Variants in RAD51B observed in about 807,000 individuals in gnomAD.
RAD51B encodes the protein DNA repair protein RAD51 homolog 2.
RAD51B carries 38 observed loss-of-function variants against 42.2 expected under a neutral mutation model. That is an observed-to-expected ratio of 0.90 (90% CI 0.70 to 1.18). The LOEUF (loss-of-function observed/expected upper bound fraction) is 1.18. RAD51B is among the 50% of genes most tolerant of loss of function. RAD51B has a pLI of 0.00. For synonymous variants in RAD51B, 154 were observed against 145.2 expected, an observed-to-expected ratio of 1.06 and a Z score of -0.43; for missense variants, 373 against 400.7, an observed-to-expected ratio of 0.93 and a Z score of 0.59.
intron 10 of RAD51B, among the ~76,000 whole-genome samples, chr14:68,534,584 C>T (rs895833661): frequency 6.6e-6 from 1 of 152,054 alleles, no homozygotes; most frequent in African/African-American, 2.4e-5. Flanking sequence ...AAACCACATC[C>T]TCAGGGCCAA....
chr14:68,484,307 C>T (rs532043292), intron 10 of RAD51B, among the ~76,000 whole-genome samples: 1 of 151,972 alleles, frequency 6.6e-6, no homozygotes, highest in South Asian at 2.1e-4. Context: ...AACCTACCTG[C>T]ATGAAACTTG....
intron 7 of RAD51B, among the ~76,000 whole-genome samples, chr14:68,075,389 C>T (rs933402031): frequency 5.9e-5 from 9 of 151,960 alleles, no homozygotes; most frequent in Non-Finnish European, 1.2e-4. Flanking sequence ...TCTGGGAGCT[C>T]CACCCCAGAA....
At chr14:67,871,867 G>C (rs1328312399) in intron 5 of RAD51B, among the ~76,000 whole-genome samples, 1 of 152,092 alleles carries the variant, frequency 6.6e-6, no homozygotes, top group Non-Finnish European at 1.5e-5. Flanking sequence ...TGCAGAAGAG[G>C]CCTTTGACAA....
chr14:68,600,266 G>A (rs1891163880), downstream of RAD51B, among the ~76,000 whole-genome samples: 1 of 152,214 alleles, frequency 6.6e-6, no homozygotes, highest in Non-Finnish European at 1.5e-5. Context: ...ATGCTGTTTG[G>A]GATGTTTCTC....
At chr14:68,381,802 T>C (rs541339334) in intron 8 of RAD51B, among the ~76,000 whole-genome samples, 4 of 152,326 alleles carry the variant, frequency 2.6e-5, no homozygotes, top group African/African-American at 9.6e-5. Context: ...AAATCACCAA[T>C]TGAGTCTCTA....
chr14:68,297,763 A>G (rs1025744270), intron 8 of RAD51B, among the ~76,000 whole-genome samples: 4 of 152,210 alleles, frequency 2.6e-5, no homozygotes, highest in Non-Finnish European at 4.4e-5. Flanking sequence ...AAAATGATGA[A>G]TTTCTTAATC....
At chr14:68,139,650 C>T (rs2078084605) in intron 7 of RAD51B, among the ~76,000 whole-genome samples, 1 of 152,228 alleles carries the variant, frequency 6.6e-6, no homozygotes, top group Non-Finnish European at 1.5e-5. Flanking sequence ...AATCCCATCC[C>T]ACAATTTCTC....
intron 7 of RAD51B, among the ~76,000 whole-genome samples, chr14:67,982,483 G>A (rs1467278914): frequency 6.6e-6 from 1 of 151,988 alleles, no homozygotes; most frequent in Non-Finnish European, 1.5e-5. Flanking sequence ...TCCATCTTGG[G>A]TTTTATAGTT....
chr14:67,891,977 T>G (rs2043233413), intron 7 of RAD51B, among the ~76,000 whole-genome samples: 1 of 152,222 alleles, frequency 6.6e-6, no homozygotes, highest in Admixed American at 6.5e-5. Context: ...AGACCCTTGA[T>G]GTAGACATAG....
intron 8 of RAD51B, among the ~76,000 whole-genome samples, chr14:68,353,729 G>C (rs571553765): frequency 6.6e-6 from 1 of 152,210 alleles, no homozygotes; most frequent in Non-Finnish European, 1.5e-5. Context: ...TTGTTGTCTG[G>C]CTGTCGCAGC....
intron 7 of RAD51B, among the ~76,000 whole-genome samples, chr14:68,248,205 C>T (rs1194587022): frequency 6.6e-6 from 1 of 152,242 alleles, no homozygotes; most frequent in Non-Finnish European, 1.5e-5. Flanking sequence ...ACTCTTTCCT[C>T]TCTTCTTCAG....
intron 7 of RAD51B, among the ~76,000 whole-genome samples, chr14:68,199,254 T>C (rs2079435299): frequency 6.6e-6 from 1 of 152,212 alleles, no homozygotes; most frequent in Non-Finnish European, 1.5e-5. Context: ...CTATTTTTTT[T>C]CCTTACTCTG....
At chr14:68,578,039 A>T (rs1463428334) in intron 10 of RAD51B, among the ~76,000 whole-genome samples, 1 of 152,274 alleles carries the variant, frequency 6.6e-6, no homozygotes, top group Non-Finnish European at 1.5e-5. Context: ...TCAACAGCAC[A>T]TTGTCGAACA....
intron 11 of RAD51B, among the ~76,000 whole-genome samples, chr14:68,659,824 C>T (rs578258834): frequency 8.5e-5 from 13 of 152,358 alleles, no homozygotes; most frequent in African/African-American, 3.1e-4. Context: ...AGTTCTGGGG[C>T]AAGGACGCTC....
At chr14:68,023,392 G>A (rs2140354572) in intron 7 of RAD51B, among the ~76,000 whole-genome samples, 1 of 152,128 alleles carries the variant, frequency 6.6e-6, no homozygotes, top group East Asian at 1.9e-4. Flanking sequence ...CTGGAGTGAA[G>A]TCCTGGCTGA....
At chr14:67,851,631 C>T (rs1437438429) in intron 4 of RAD51B, among the ~76,000 whole-genome samples, 1 of 151,524 alleles carries the variant, frequency 6.6e-6, no homozygotes, top group Non-Finnish European at 1.5e-5. Flanking sequence ...TGTTCAGTTG[C>T]CTTTGGGAGT....
rs1206892798 is a variant in RAD51B, at chr14:68,411,290, C to G, written c.854-134C>G. The G allele has an allele frequency of 8.4e-6, 6 of 717,300 alleles. No homozygotes were observed. The East Asian group carries it at 1.6e-4, about 19-fold the overall frequency. 44.4% of individuals were successfully genotyped at this position (717,300 alleles called of 1,614,324 possible). On this transcript the variant is annotated intron_variant, in intron 8 of 10. Transcript: ENST00000471583. ...AACCCCTCTCCTACTTCACTGATTC[C>G]TCAAGTTCTGTGGTAATGAACTGAG...
intron 7 of RAD51B, among the ~76,000 whole-genome samples, chr14:68,186,753 C>T (rs1481244278): frequency 1.3e-5 from 2 of 152,132 alleles, no homozygotes; most frequent in African/African-American, 2.4e-5. Flanking sequence ...AATGCATGTA[C>T]ACTGTTGGTG....
chr14:68,599,249 C>T (rs556424926), downstream of RAD51B, among the ~76,000 whole-genome samples: 1 of 152,194 alleles, frequency 6.6e-6, no homozygotes, highest in African/African-American at 2.4e-5. Context: ...AGGATGTTGC[C>T]ATACGAAACA....
Sources: allele counts gnomAD v4.1 joint callset (sites outside exome capture counted in the v4.1 genomes callset), GRCh38; gene constraint gnomAD v4.1.1; transcripts MANE v1.5; gene names NCBI Gene and HGNC (gene_info 2026-07-23, HGNC 2026-07-21).